Variants in PPIG observed in about 807,000 individuals in gnomAD.
PPIG encodes the protein peptidylprolyl isomerase G.
In PPIG, 26 loss-of-function variants were observed where a neutral mutation model predicts 87.9. The ratio of observed to expected loss-of-function variants is 0.30; its 90% CI spans 0.22 to 0.41. The LOEUF (loss-of-function observed/expected upper bound fraction) is 0.41, where lower values mean the gene tolerates loss of function less well. PPIG is among the 10% of genes least tolerant of loss of function. PPIG has a pLI of 1.00. For missense variants in PPIG, 722 were observed against 879.4 expected, an observed-to-expected ratio of 0.82 and a Z score of 2.26; for synonymous variants, 308 against 276.5, an observed-to-expected ratio of 1.11 and a Z score of -1.13.
intron 12 of PPIG, 68 bp from the exon 13 acceptor site, chr2:169,636,024 T>A: frequency 3.1e-6 from 4 of 1,279,376 alleles, no homozygotes; most frequent in African/African-American, 1.5e-5. Flanking sequence ...CTTCCCTCCC[T>A]CCCAGCACCC....
At chr2:169,585,662 A>C (rs559843281) in intron 1 of PPIG, among the ~76,000 whole-genome samples, 24 of 152,216 alleles carry the variant, frequency 1.6e-4, no homozygotes, top group African/African-American at 5.5e-4. Flanking sequence ...CATTGATTTT[A>C]ATTTCTTTCC....
At chr2:169,596,607 T>C (rs1685023920) in intron 1 of PPIG, among the ~76,000 whole-genome samples, 1 of 152,086 alleles carries the variant, frequency 6.6e-6, no homozygotes, top group East Asian at 1.9e-4. Context: ...CTAAAGAAAA[T>C]TGAAGACTTG....
intron 12 of PPIG, among the ~76,000 whole-genome samples, chr2:169,635,419 C>CT (rs1316920807): frequency 6.6e-6 from 1 of 152,146 alleles, no homozygotes; most frequent in Non-Finnish European, 1.5e-5. Context: ...CAGAACCTTC[C>CT]TGTCAGCATC....
At chr2:169,598,459 T>C (rs1685083083) in intron 1 of PPIG, among the ~76,000 whole-genome samples, 1 of 151,942 alleles carries the variant, frequency 6.6e-6, no homozygotes, top group African/African-American at 2.4e-5. Flanking sequence ...CCCGGCTAAT[T>C]TTTTTGTATT....
At chr2:169,624,989 A>G (rs1046379423) in intron 9 of PPIG, among the ~76,000 whole-genome samples, 9 of 152,204 alleles carry the variant, frequency 5.9e-5, no homozygotes, top group South Asian at 2.1e-4. Context: ...ATTATTGTAT[A>G]TATTTATGGT....
rs910783801 is a variant in PPIG at position 169,619,034 on chromosome 2, C to T, written c.547+4310C>T. On this transcript the variant is annotated intron_variant, in intron 9 of 13. Transcript: ENST00000260970. ...GGCATTTAGTGCTATAAATTTCCCTCGAAACACTACTTTAGCTGTGTCCCA... is the reference window on the plus strand; with the variant it reads ...GGCATTTAGTGCTATAAATTTCCCTTGAAACACTACTTTAGCTGTGTCCCA... Among the ~76,000 whole-genome samples, 4 of 152,092 alleles carry T rather than the reference C, an allele frequency of 2.6e-5. No individual in the cohort carries two copies. The East Asian group carries it at 5.8e-4, about 22-fold the overall frequency.
At chr2:169,621,909 T>C (rs2105508409) in intron 9 of PPIG, among the ~76,000 whole-genome samples, 1 of 148,350 alleles carries the variant, frequency 6.7e-6, no homozygotes, top group Non-Finnish European at 1.5e-5. Context: ...CTGGGCAACA[T>C]TGTGGGACTC....
At chr2:169,623,883 G>T (rs1225888647) in intron 9 of PPIG, among the ~76,000 whole-genome samples, 1 of 152,142 alleles carries the variant, frequency 6.6e-6, no homozygotes, top group Non-Finnish European at 1.5e-5. Flanking sequence ...ATTTATTGGT[G>T]TAAAATCTGT....
chr2:169,600,328 G>A (rs941103594), intron 1 of PPIG, among the ~76,000 whole-genome samples: 3 of 152,070 alleles, frequency 2.0e-5, no homozygotes, highest in Non-Finnish European at 2.9e-5. Context: ...GCCTGCTTCA[G>A]CCCCCCAAAG....
rs151088669 is a variant in PPIG, at chr2:169,631,875, C to A, written c.871C>A (p.Pro291Thr). The change falls in exon 11 of 14, where the codon CCT becomes ACT. Residue 291 changes from proline (P) to threonine (T), a missense_variant. By Grantham distance (38) the Pro-to-Thr change is conservative (BLOSUM62 -1). Around this residue, in one of 4 missense-constraint regions of PPIG, gnomAD observed 142 missense variants for 152.8 expected, o/e 0.93. Transcript: ENST00000260970. Reference sequence around the variant, plus strand: ...AAATAGATTCCTAATGAGAAAAAGTCCTCCTAAAGCTGATGAGAAGGAAAG... The same window carrying A: ...AAATAGATTCCTAATGAGAAAAAGTACTCCTAAAGCTGATGAGAAGGAAAG... ...PENRFLMRKS[P>T]PKADEKERKN... 12 of 1,610,796 alleles carry A rather than the reference C, an allele frequency of 7.4e-6. No homozygotes were observed. The highest frequency in any genetic ancestry group is 1.0e-5 in the Non-Finnish European group (12 of 1,177,806).
rs1455278126 is a variant in PPIG, at chr2:169,584,361, C to T, written c.-199C>T. On this transcript the variant is annotated 5_prime_UTR_variant, in exon 1 of 14. Coordinates refer to ENST00000260970, the MANE Select transcript of PPIG (RefSeq NM_004792.3). ...TGACGCGCTTCCGGTGCGACGCTGT[C>T]TCTCCATGCCAGGACTGAGTTGTGG... 3 of 470,992 alleles carry T rather than the reference C, an allele frequency of 6.4e-6. No homozygotes were observed. The highest frequency in any genetic ancestry group is 1.3e-5 in the Non-Finnish European group (3 of 227,050). 29.2% of individuals were successfully genotyped at this position (470,992 alleles called of 1,614,324 possible).
At chr2:169,611,583 A>G (rs1476950714) in intron 7 of PPIG, among the ~76,000 whole-genome samples, 3 of 152,148 alleles carry the variant, frequency 2.0e-5, no homozygotes, top group Non-Finnish European at 4.4e-5. Context: ...AAGCCTTTTC[A>G]TATATATTGT....
At chr2:169,613,485 C>A (rs765367480) in intron 7 of PPIG, among the ~76,000 whole-genome samples, 1 of 152,036 alleles carries the variant, frequency 6.6e-6, no homozygotes. Context: ...GTTTTTAGTA[C>A]GTATTCAAGT....
In PPIG at chr2:169,630,930, G is replaced by T. The variant is rs748144124; in HGVS notation, c.704G>T (p.Arg235Leu). Residue 235 changes from arginine (R) to leucine (L), a missense_variant, in exon 10 of 14, where the codon CGG becomes CTG. Coordinates refer to ENST00000260970, the MANE Select transcript of PPIG (RefSeq NM_004792.3). ...TCAAAGAAAAGAAAAAAGAAACATC[G>T]GAAAAATTCCCGAAAACACAAGAAA... The part of the protein sequence containing the change: ...EKSKKRKKKH[R>L]KNSRKHKKEK... 2 of 1,599,202 alleles carry T rather than the reference G, an allele frequency of 1.3e-6. No individual in the cohort carries two copies. The highest frequency in any genetic ancestry group is 1.7e-6 in the Non-Finnish European group (2 of 1,176,542).
At chr2:169,604,798 C>T (rs1254974152) in intron 4 of PPIG, among the ~76,000 whole-genome samples, 3 of 151,362 alleles carry the variant, frequency 2.0e-5, no homozygotes, top group Non-Finnish European at 2.9e-5. Flanking sequence ...CACTTGAACC[C>T]GAGAGGCAGA....
intron 1 of PPIG, chr2:169,584,726 G>A: frequency 9.5e-6 from 3 of 314,880 alleles, no homozygotes; most frequent in South Asian, 7.4e-5. Context: ...CCCGGGGCCT[G>A]GGGACGGTCC....
At chr2:169,584,609 C>CCGTCTT in intron 1 of PPIG, 119 bp downstream of exon 1, 2 of 433,194 alleles carry the variant, frequency 4.6e-6, no homozygotes, top group South Asian at 3.3e-5. Flanking sequence ...GTTGGGTTTA[C>CCGTCTT]CGTCTTTCCC....
chr2:169,605,180 A>T (rs1685289312), intron 4 of PPIG, among the ~76,000 whole-genome samples: 1 of 152,108 alleles, frequency 6.6e-6, no homozygotes, highest in African/African-American at 2.4e-5. Flanking sequence ...CTGAAAAAAT[A>T]AAAATTAGCC....
chr2:169,605,764 A>C (rs1264103778), intron 4 of PPIG, among the ~76,000 whole-genome samples: 6 of 152,176 alleles, frequency 3.9e-5, no homozygotes, highest in African/African-American at 9.7e-5. Flanking sequence ...GTGCCACCGC[A>C]CTGTAGCCTG....
Sources: gnomAD v4.1 joint callset for allele counts (sites outside exome capture counted in the v4.1 genomes callset) on GRCh38, gnomAD v4.1.1 for gene constraint, gnomAD v4.1.1 regional missense constraint, MANE v1.5 for transcripts, NCBI Gene and HGNC (gene_info 2026-07-23, HGNC 2026-07-21) for gene names.